NOVA1: variants seen among roughly 807,000 people sequenced by gnomAD.
NOVA1 encodes NOVA alternative splicing regulator 1, also known as RNA-binding protein Nova-1.
A neutral mutation model predicts 38.0 loss-of-function variants in NOVA1; 7 were observed. The ratio of observed to expected loss-of-function variants is 0.18; its 90% CI spans 0.10 to 0.35. The LOEUF is 0.35. Ranked by LOEUF, NOVA1 falls within the 10% of genes least tolerant of loss-of-function variation. The pLI is 1.00. For missense variants in NOVA1, 460 were observed against 616.0 expected (o/e 0.75, Z 2.68); for synonymous variants, 270 against 232.5 (o/e 1.16, Z -1.47).
intron 2 of NOVA1, among the ~76,000 whole-genome samples, chr14:26,584,691 A>G (rs1352392035): frequency 6.6e-6 from 1 of 151,430 alleles, no homozygotes; most frequent in Non-Finnish European, 1.5e-5. Context: ...ATGTCTATAT[A>G]TGCCTTAAAT....
At chr14:26,533,058 T>C (rs1170160904) in intron 2 of NOVA1, among the ~76,000 whole-genome samples, 2 of 152,198 alleles carry the variant, frequency 1.3e-5, no homozygotes, top group Non-Finnish European at 2.9e-5. Flanking sequence ...TTCATGTTAA[T>C]GATACAGTCT....
chr14:26,480,132 G>T lies in NOVA1; in HGVS notation c.292C>A (p.Arg98=). 1 of 1,612,844 alleles carries T rather than the reference G, an allele frequency of 6.2e-7. No homozygotes were observed. Among genetic ancestry groups the T allele is most frequent in the Non-Finnish European group, 8.5e-7 (1 of 1,179,420 alleles). Residue 98 remains arginine (R), a synonymous_variant, in exon 3 of 5, where the codon CGA becomes AGA. Coordinates refer to ENST00000539517, the MANE Select transcript of NOVA1 (RefSeq NM_002515.3). ...SKDFYPGTTE[R]VCLIQGTVEA... ...ACCGTTCCCTGGATCAAGCACACTC[G>T]CTCAGTAGTACCTGTGGATAAAACA...
At chr14:26,543,793 G>A (rs1239915471) in intron 2 of NOVA1, among the ~76,000 whole-genome samples, 2 of 151,946 alleles carry the variant, frequency 1.3e-5, no homozygotes, top group African/African-American at 2.4e-5. Context: ...ATCCAAAGCT[G>A]AGAACAAGTT....
chr14:26,535,884 C>T (rs529312240), intron 2 of NOVA1, among the ~76,000 whole-genome samples: 1 of 150,610 alleles, frequency 6.6e-6, no homozygotes, highest in African/African-American at 2.4e-5. Flanking sequence ...GTGGCTGAGG[C>T]AGGAGAATGG....
At chr14:26,532,456 A>G (rs1257121749) in intron 2 of NOVA1, among the ~76,000 whole-genome samples, 1 of 152,216 alleles carries the variant, frequency 6.6e-6, no homozygotes, top group Non-Finnish European at 1.5e-5. Context: ...TTCTATATAA[A>G]TGAAACTCTG....
intron 2 of NOVA1, among the ~76,000 whole-genome samples, chr14:26,542,733 CAAA>C (rs71121888): frequency 1.6e-3 from 202 of 125,860 alleles, no homozygotes; most frequent in African/African-American, 3.4e-3. Flanking sequence ...TTTGTAATGG[CAAA>C]AAAAAAAAAA....
intron 4 of NOVA1, among the ~76,000 whole-genome samples, chr14:26,471,460 G>A (rs76913302): frequency 0.2 from 30,447 of 150,360 alleles, 3,282 homozygotes; most frequent in East Asian, 0.33. Context: ...ATTAAAAAAA[G>A]CAAAAATATT....
intron 2 of NOVA1, among the ~76,000 whole-genome samples, chr14:26,546,225 A>G (rs542603006): frequency 6.6e-6 from 1 of 152,232 alleles, no homozygotes; most frequent in South Asian, 2.1e-4. Context: ...AAAATACTAA[A>G]GCTTGATTAT....
At chr14:26,523,954 T>C (rs1247627917) in intron 2 of NOVA1, among the ~76,000 whole-genome samples, 2 of 152,022 alleles carry the variant, frequency 1.3e-5, no homozygotes, top group Non-Finnish European at 2.9e-5. Context: ...GGTTTCACCG[T>C]GTTAGCCGGG....
In NOVA1 at chr14:26,597,952, C is replaced by A. The variant is rs1894315323; in HGVS notation, c.-516G>T. Among the ~76,000 whole-genome samples, 1 of 151,562 alleles carries A rather than the reference C, an allele frequency of 6.6e-6. No individual in the cohort carries two copies. The highest frequency in any genetic ancestry group is 2.1e-4 in the South Asian group (1 of 4,806). On this transcript the variant is annotated 5_prime_UTR_variant, in exon 1 of 5. Coordinates refer to ENST00000539517, the MANE Select transcript of NOVA1 (RefSeq NM_002515.3). ...GAGGAGGGCAGGAGCCGGGAAGGAG[C>A]GCGGCGGTCCCCGCGCCGCGCTAGC... is the stretch of plus-strand genomic sequence containing the variant.
At position 26,589,404 on chromosome 14, in the gene NOVA1, A is replaced by AT. The variant is rs1029417169; in HGVS notation, c.280+6005dup. ...ATAAATGACACAGTAATTTTTTGAG[A>AT]TTTTGACTAAATTTTAATTTACTTG... On this transcript the variant is annotated intron_variant, in intron 2 of 4. Coordinates refer to ENST00000539517, the MANE Select transcript of NOVA1 (RefSeq NM_002515.3). Among the ~76,000 whole-genome samples the AT allele has an allele frequency of 4.6e-5, 7 of 151,852 alleles. 1 individual carries two copies. Among genetic ancestry groups the AT allele is most frequent in the African/African-American group, 1.7e-4 (7 of 41,516 alleles).
At chr14:26,547,259 A>AT (rs1480656529) in intron 2 of NOVA1, among the ~76,000 whole-genome samples, 2 of 152,132 alleles carry the variant, frequency 1.3e-5, no homozygotes, top group Admixed American at 6.5e-5. Flanking sequence ...GCCCTTTGAA[A>AT]ATCACCAATA....
intron 2 of NOVA1, among the ~76,000 whole-genome samples, chr14:26,575,089 T>A (rs1455794990): frequency 6.6e-6 from 1 of 152,204 alleles, no homozygotes; most frequent in Non-Finnish European, 1.5e-5. Flanking sequence ...CAATATAGGT[T>A]TTAACATGTA....
intron 4 of NOVA1, among the ~76,000 whole-genome samples, chr14:26,449,402 A>T (rs1324980245): frequency 1.3e-5 from 2 of 152,168 alleles, no homozygotes; most frequent in Non-Finnish European, 2.9e-5. Context: ...TTAAAAAGCA[A>T]AGTTAATAAA....
At chr14:26,523,841 C>T (rs1293253146) in intron 2 of NOVA1, among the ~76,000 whole-genome samples, 5 of 150,804 alleles carry the variant, frequency 3.3e-5, no homozygotes, top group Non-Finnish European at 2.9e-5. Flanking sequence ...AGCTCCGCCT[C>T]CCGGGTTCAC....
intron 2 of NOVA1, among the ~76,000 whole-genome samples, chr14:26,569,149 G>C (rs1407560276): frequency 6.6e-6 from 1 of 152,058 alleles, no homozygotes; most frequent in African/African-American, 2.4e-5. Flanking sequence ...GTGAGAACCA[G>C]CAGAAACAAC....
chr14:26,503,087 T>C (rs1290984651), intron 2 of NOVA1, among the ~76,000 whole-genome samples: 1 of 152,070 alleles, frequency 6.6e-6, no homozygotes, highest in African/African-American at 2.4e-5. Flanking sequence ...AACAAACACA[T>C]ACTTTATAAT....
chr14:26,478,820 A>G (rs1885201876), intron 3 of NOVA1, among the ~76,000 whole-genome samples: 1 of 151,928 alleles, frequency 6.6e-6, no homozygotes, highest in Non-Finnish European at 1.5e-5. Context: ...ACATTTTTGT[A>G]TAGAATAACA....
chr14:26,448,560 G>C lies in NOVA1; in HGVS notation c.923C>G (p.Thr308Arg). The C allele has an allele frequency of 6.2e-7, 1 of 1,614,210 alleles. No individual in the cohort carries two copies. The highest frequency in any genetic ancestry group is 8.5e-7 in the Non-Finnish European group (1 of 1,180,024). ...GGTGATGGCCACCAGGTCATTGCCTGTGAAGCCAGATAAAACTGCTGGAAA... is the reference window on the plus strand; with the variant it reads ...GGTGATGGCCACCAGGTCATTGCCTCTGAAGCCAGATAAAACTGCTGGAAA... ...AAFPAVLSGFTGNDLVAITSA... is the reference protein window; with the variant it reads ...AAFPAVLSGFRGNDLVAITSA... The change falls in exon 5 of 5, where the codon ACA becomes AGA. Residue 308 changes from threonine to arginine, a missense_variant. Transcript: ENST00000539517. This position sits in a 1 kb window ranked among gnomAD's most constrained non-coding sequence, Gnocchi z 5.3.
Sources: allele counts gnomAD v4.1 joint callset (sites outside exome capture counted in the v4.1 genomes callset), GRCh38; gene constraint gnomAD v4.1.1; non-coding constraint Gnocchi (gnomAD v3.1); transcripts MANE v1.5; gene names NCBI Gene and HGNC (gene_info 2026-07-23, HGNC 2026-07-21).